The following EFCAB5 variants were observed in gnomAD, a reference collection of about 807,000 sequenced individuals.
EFCAB5 encodes EF-hand calcium-binding domain-containing protein 5.
EFCAB5 carries 131 observed loss-of-function variants against 167.9 expected under a neutral mutation model. The observed-to-expected ratio is 0.78, with a 90% CI of 0.68 to 0.90. EFCAB5 has a LOEUF of 0.90. Ranked by LOEUF, EFCAB5 falls within the 40% of genes least tolerant of loss-of-function variation. The pLI, the probability that EFCAB5 is intolerant of heterozygous loss-of-function variation, is 0.00. For missense variants in EFCAB5, 1,663 were observed against 1,745.2 expected (o/e 0.95, Z 0.84); for synonymous variants, 574 against 602.8 (o/e 0.95, Z 0.70).
At chr17:30,091,740 C>A in intron 20 of EFCAB5, 131 bp from the exon 21 acceptor site, 1 of 1,015,318 alleles carries the variant, frequency 9.8e-7, no homozygotes, top group Non-Finnish European at 1.4e-6. Context: ...TTGTTTAAAA[C>A]CAAAGGCTAT....
chr17:30,009,414 G>T (rs34585141), intron 7 of EFCAB5, among the ~76,000 whole-genome samples: 77,437 of 151,294 alleles, frequency 0.51, 20,140 homozygotes, highest in African/African-American at 0.57. Context: ...TCCAGCCCTA[G>T]GCAGCCACAA....
Position 30,053,871 on chromosome 17 carries a change from C to A in EFCAB5, c.1917C>A (p.Leu639=), listed in dbSNP as rs764921172. 4 of 1,613,970 alleles carry A rather than the reference C, an allele frequency of 2.5e-6. No homozygotes were observed. The highest frequency in any genetic ancestry group is 3.4e-6 in the Non-Finnish European group (4 of 1,179,898). ...TGTCAGCTGCAGAACAGGGATCACT[C>A]AGAGAGTCAGTAATAGAAGAACCAT... ...RRMSAAEQGS[L]RESVIEEPYQ... is the part of the protein sequence containing the mutation. Residue 639 remains leucine, a synonymous_variant, in exon 10 of 23, where the codon CTC becomes CTA. Transcript: ENST00000394835.
intron 4 of EFCAB5, among the ~76,000 whole-genome samples, chr17:29,987,781 G>A (rs1011630750): frequency 1.3e-5 from 2 of 152,170 alleles, no homozygotes; most frequent in Non-Finnish European, 2.9e-5. Context: ...CTGGGGCATT[G>A]TCTGTTTTAA....
chr17:30,057,867 G>T lies in EFCAB5; in HGVS notation c.2557G>T (p.Glu853Ter), dbSNP rs2070317024. 7 of 1,613,572 alleles carry T rather than the reference G, an allele frequency of 4.3e-6. No homozygotes were observed. In the East Asian group the frequency reaches 1.6e-4, roughly 36 times the overall value. Residue 853 changes from glutamate to a stop codon, truncating the protein, a stop_gained, in exon 13 of 23, where the codon GAG becomes TAG. Coordinates refer to ENST00000394835, the MANE Select transcript of EFCAB5 (RefSeq NM_198529.4). LOFTEE classifies it high-confidence loss of function. ...GGAGGGCTATGTTGAAACAGAACAA[G>T]AGAAAATGAATGCCTTAGAACAGGT... The part of the protein sequence containing the change: ...FKEGYVETEQ[E>*]KMNALEQFSQ...
intron 4 of EFCAB5, among the ~76,000 whole-genome samples, chr17:29,973,612 G>C (rs2068004197): frequency 6.7e-6 from 1 of 149,008 alleles, no homozygotes; most frequent in Non-Finnish European, 1.5e-5. Context: ...TGAGTAGCTG[G>C]GATTACAGGC....
chr17:30,096,092 C>T (rs892249280), intron 22 of EFCAB5, among the ~76,000 whole-genome samples: 3 of 152,188 alleles, frequency 2.0e-5, no homozygotes, highest in Admixed American at 6.5e-5. Flanking sequence ...TAGACAAGTA[C>T]TCATACAATG....
intron 22 of EFCAB5, among the ~76,000 whole-genome samples, chr17:30,102,358 T>C (rs1342936849): frequency 6.6e-6 from 1 of 152,064 alleles, no homozygotes; most frequent in Non-Finnish European, 1.5e-5. Flanking sequence ...TGGTTTTATG[T>C]CTTCTTTTAT....
Position 30,090,679 on chromosome 17 carries a change from C to A in EFCAB5, c.3937+5C>A. On this transcript the variant is annotated splice_donor_5th_base_variant and intron_variant, in intron 20 of 22. Coordinates refer to ENST00000394835, the MANE Select transcript of EFCAB5 (RefSeq NM_198529.4). ...TAAAGAAAAAATATATCTTAGGTAT[C>A]GTTCATGTGGCATCAGTCTAAATTC... The A allele has an allele frequency of 6.2e-7, 1 of 1,607,178 alleles. No homozygotes were observed. The highest frequency in any genetic ancestry group is 1.1e-5 in the South Asian group (1 of 90,186).
intron 4 of EFCAB5, among the ~76,000 whole-genome samples, chr17:29,981,619 TGTGTCTTA>T (rs780302235): frequency 6.6e-6 from 1 of 152,222 alleles, no homozygotes; most frequent in Non-Finnish European, 1.5e-5. Context: ...CATCTAACAC[TGTGTCTTA>T]TGAGTAATGC....
intron 3 of EFCAB5, among the ~76,000 whole-genome samples, chr17:29,944,654 G>A (rs773928997): frequency 9.3e-5 from 11 of 118,506 alleles, no homozygotes; most frequent in Non-Finnish European, 1.7e-4. Flanking sequence ...ACGAAGTTTT[G>A]CGCTTGTTGC....
intron 8 of EFCAB5, among the ~76,000 whole-genome samples, chr17:30,040,560 G>A (rs2069743616): frequency 6.6e-6 from 1 of 152,302 alleles, no homozygotes; most frequent in Middle Eastern, 3.4e-3. Flanking sequence ...AACAGCTATA[G>A]TAAGTATACT....
intron 13 of EFCAB5, chr17:30,059,087 TACCA>T (rs2070353722): frequency 6.6e-6 from 1 of 152,120 alleles, no homozygotes; most frequent in Non-Finnish European, 1.5e-5. Flanking sequence ...GGAGGTTGTA[TACCA>T]ACTTTAGTGA....
intron 4 of EFCAB5, among the ~76,000 whole-genome samples, chr17:29,983,403 G>T (rs896755884): frequency 6.6e-6 from 1 of 152,188 alleles, no homozygotes; most frequent in African/African-American, 2.4e-5. Flanking sequence ...TTTTCTAATG[G>T]CCCATTGGCC....
chr17:30,021,296 C>G (rs2069172709), intron 7 of EFCAB5, among the ~76,000 whole-genome samples: 1 of 148,362 alleles, frequency 6.7e-6, no homozygotes, highest in South Asian at 2.1e-4. Context: ...CCCATTTTCT[C>G]CTTTGTGTCA....
At chr17:30,041,210 A>AGAAGGAAGGAAGGAAG (rs61335450) in intron 8 of EFCAB5, among the ~76,000 whole-genome samples, 3,621 of 149,950 alleles carry the variant, frequency 0.024, 98 homozygotes, top group African/African-American at 0.063. Context: ...AAGAAAGGAA[A>AGAAGGAAGGAAGGAAG]GAAGGAAGGA....
intron 18 of EFCAB5, among the ~76,000 whole-genome samples, chr17:30,084,737 CAAAGAT>C (rs2071054350): frequency 6.6e-6 from 1 of 152,194 alleles, no homozygotes; most frequent in South Asian, 2.1e-4. Context: ...CTCTGTGTCT[CAAAGAT>C]AAACCAGTAT....
intron 7 of EFCAB5, among the ~76,000 whole-genome samples, chr17:30,012,205 CG>C (rs1597665583): frequency 1.3e-5 from 2 of 152,200 alleles, no homozygotes; most frequent in East Asian, 3.9e-4. Flanking sequence ...CTTAGCAGAT[CG>C]GGAAAGGGAG....
chr17:29,951,418 A>C (rs1000133065), intron 3 of EFCAB5, among the ~76,000 whole-genome samples: 7 of 151,798 alleles, frequency 4.6e-5, no homozygotes, highest in Non-Finnish European at 8.8e-5. Flanking sequence ...GCTCACTGCA[A>C]CCTCCACCTC....
chr17:30,022,762 A>G (rs981695446), intron 7 of EFCAB5, among the ~76,000 whole-genome samples: 1 of 152,324 alleles, frequency 6.6e-6, no homozygotes, highest in East Asian at 1.9e-4. Flanking sequence ...TTTTAGGACT[A>G]TATCAGGTTT....
Sources: gnomAD v4.1 joint callset for allele counts (sites outside exome capture counted in the v4.1 genomes callset) on GRCh38, gnomAD v4.1.1 for gene constraint, MANE v1.5 for transcripts, NCBI Gene and HGNC (gene_info 2026-07-23, HGNC 2026-07-21) for gene names.